The following CD247 variants were observed in gnomAD, a reference collection of about 807,000 sequenced individuals.
CD247 encodes T-cell surface glycoprotein CD3 zeta chain.
Under a neutral mutation model 30.0 loss-of-function variants are expected in CD247, and 13 were observed. That is an observed-to-expected ratio of 0.43 (90% CI 0.28 to 0.69). CD247 has a LOEUF of 0.69. Among genes scored for constraint, CD247 ranks in the 30% least tolerant of loss-of-function variants. The pLI is 0.16. For missense variants in CD247, 193 were observed against 212.6 expected, an observed-to-expected ratio of 0.91 and a Z score of 0.57; for synonymous variants, 72 against 80.0, an observed-to-expected ratio of 0.90 and a Z score of 0.53.
At chr1:167,480,455 C>T (rs2102063093) in intron 1 of CD247, among the ~76,000 whole-genome samples, 1 of 152,272 alleles carries the variant, frequency 6.6e-6, no homozygotes, top group East Asian at 1.9e-4. Flanking sequence ...GCCCCTGACA[C>T]CCCCAGAGCT....
chr1:167,505,986 C>G (rs1266747842), intron 1 of CD247, among the ~76,000 whole-genome samples: 1 of 152,160 alleles, frequency 6.6e-6, no homozygotes, highest in Non-Finnish European at 1.5e-5. Context: ...GCAGCTAGAG[C>G]AAGAATCAAA....
chr1:167,463,377 T>C (rs1653109223), intron 1 of CD247, among the ~76,000 whole-genome samples: 1 of 152,146 alleles, frequency 6.6e-6, no homozygotes, highest in South Asian at 2.1e-4. Flanking sequence ...CATTCCTGCC[T>C]CCCTTCTGAC....
chr1:167,477,892 A>T (rs1653816498), intron 1 of CD247, among the ~76,000 whole-genome samples: 1 of 152,146 alleles, frequency 6.6e-6, no homozygotes, highest in Non-Finnish European at 1.5e-5. Context: ...CCATATGGAG[A>T]AATGCTGGTG....
At chr1:167,517,364 G>T (rs978014482) in intron 1 of CD247, among the ~76,000 whole-genome samples, 2 of 152,210 alleles carry the variant, frequency 1.3e-5, no homozygotes, top group East Asian at 3.8e-4. Flanking sequence ...CAGGTGGGCC[G>T]AGGACATTTG....
intron 1 of CD247, among the ~76,000 whole-genome samples, chr1:167,505,039 T>C (rs986182441): frequency 6.6e-6 from 1 of 152,230 alleles, no homozygotes; most frequent in African/African-American, 2.4e-5. Context: ...TCTACCTATA[T>C]TTACATATTA....
At chr1:167,439,780 G>A in intron 2 of CD247, 1 of 271,264 alleles carries the variant, frequency 3.7e-6, no homozygotes, top group South Asian at 4.4e-5. Context: ...CAGGGTGGAT[G>A]GCGGCTGGTC....
At chr1:167,486,980 A>C (rs1211322682) in intron 1 of CD247, among the ~76,000 whole-genome samples, 1 of 149,246 alleles carries the variant, frequency 6.7e-6, no homozygotes, top group Non-Finnish European at 1.5e-5. Flanking sequence ...AGGCTGAGGC[A>C]GGAGAATCAC....
intron 1 of CD247, among the ~76,000 whole-genome samples, chr1:167,497,931 A>T (rs1201555082): frequency 1.3e-5 from 2 of 152,206 alleles, no homozygotes; most frequent in Non-Finnish European, 2.9e-5. Flanking sequence ...AAGAAAAAAG[A>T]TGCCAAAAAA....
At chr1:167,510,858 A>T (rs1655356334) in intron 1 of CD247, among the ~76,000 whole-genome samples, 1 of 152,178 alleles carries the variant, frequency 6.6e-6, no homozygotes, top group Non-Finnish European at 1.5e-5. Flanking sequence ...CCTACAGCCC[A>T]TCACAGACAT....
intron 1 of CD247, 42 bp downstream of exon 1, chr1:167,518,366 A>C: frequency 1.2e-6 from 2 of 1,601,326 alleles, no homozygotes; most frequent in Non-Finnish European, 1.7e-6. Context: ...ACATACACAA[A>C]GAGTTTCTAG....
At chr1:167,443,101 C>A (rs1056509667) in intron 1 of CD247, among the ~76,000 whole-genome samples, 4 of 152,138 alleles carry the variant, frequency 2.6e-5, no homozygotes, top group African/African-American at 9.7e-5. Context: ...CCACCTGAGC[C>A]CCTGAGGAAA....
intron 1 of CD247, among the ~76,000 whole-genome samples, chr1:167,447,963 T>TG (rs200057872): frequency 0.11 from 1,658 of 15,472 alleles, 25 homozygotes; most frequent in African/African-American, 0.21. Context: ...GCAGCAGCTA[T>TG]GGGTGGGGGG....
At chr1:167,490,252 G>T (rs1654389991) in intron 1 of CD247, among the ~76,000 whole-genome samples, 1 of 152,186 alleles carries the variant, frequency 6.6e-6, no homozygotes, top group African/African-American at 2.4e-5. Context: ...CACCTTCCCC[G>T]TCATCTGACC....
intron 1 of CD247, among the ~76,000 whole-genome samples, chr1:167,498,009 C>T (rs536698685): frequency 2.0e-5 from 3 of 152,302 alleles, no homozygotes; most frequent in Non-Finnish European, 4.4e-5. Context: ...GACTTTTCTC[C>T]CTGGTTCCTG....
rs531725487 is a variant in CD247 at position 167,510,401 on chromosome 1, C to T, written c.58+8007G>A. On this transcript the variant is annotated intron_variant, in intron 1 of 7. Transcript: ENST00000362089. ...AACCACCAGAGCCTATGGGTAAATACATGCTGGCGTGCACATTGCCAACAC... is the reference window on the plus strand; with the variant it reads ...AACCACCAGAGCCTATGGGTAAATATATGCTGGCGTGCACATTGCCAACAC... Among the ~76,000 whole-genome samples, 330 of 152,318 alleles carry T rather than the reference C, an allele frequency of 2.2e-3. 1 individual carries two copies. Among genetic ancestry groups the T allele is most frequent in the African/African-American group, 7.6e-3 (317 of 41,558 alleles).
chr1:167,475,575 G>A (rs1653711857), intron 1 of CD247, among the ~76,000 whole-genome samples: 1 of 152,152 alleles, frequency 6.6e-6, no homozygotes, highest in Non-Finnish European at 1.5e-5. Context: ...AAAAGAAAGA[G>A]CAGGACACAT....
At chr1:167,465,168 C>G (rs979595937) in intron 1 of CD247, among the ~76,000 whole-genome samples, 4 of 152,170 alleles carry the variant, frequency 2.6e-5, no homozygotes, top group Admixed American at 6.5e-5. Context: ...CATGTGTTTA[C>G]AAGCCTCATA....
chr1:167,451,833 G>A (rs1391818878), intron 1 of CD247, among the ~76,000 whole-genome samples: 2 of 152,214 alleles, frequency 1.3e-5, no homozygotes, highest in Non-Finnish European at 2.9e-5. Context: ...TAGGTCGGGC[G>A]AGGTGGCTCA....
At chr1:167,462,840 C>A (rs915511343) in intron 1 of CD247, among the ~76,000 whole-genome samples, 5 of 152,210 alleles carry the variant, frequency 3.3e-5, no homozygotes, top group African/African-American at 1.2e-4. Flanking sequence ...CTGATACACT[C>A]CTTCCCTCTG....
Sources: allele counts gnomAD v4.1 joint callset (sites outside exome capture counted in the v4.1 genomes callset), GRCh38; gene constraint gnomAD v4.1.1; transcripts MANE v1.5; gene names NCBI Gene and HGNC (gene_info 2026-07-23, HGNC 2026-07-21).